The following MACROD2 variants were observed in gnomAD, a reference collection of about 807,000 sequenced individuals.
The protein encoded by MACROD2 is mono-ADP ribosylhydrolase 2, also known as ADP-ribose glycohydrolase MACROD2.
MACROD2 carries 36 observed loss-of-function variants against 70.4 expected under a neutral mutation model. The observed-to-expected ratio is 0.51, with a 90% CI of 0.39 to 0.68. MACROD2 has a LOEUF of 0.68. Among genes scored for constraint, MACROD2 ranks in the 30% least tolerant of loss-of-function variants. The probability of loss-of-function intolerance (pLI) is 0.00; values close to 1 mark genes in which losing one functional copy is unlikely to be tolerated. For missense variants in MACROD2, 496 were observed against 538.4 expected, an observed-to-expected ratio of 0.92 and a Z score of 0.78; for synonymous variants, 172 against 178.8, an observed-to-expected ratio of 0.96 and a Z score of 0.30.
chr20:15,293,149 A>C (rs989832144), intron 6 of MACROD2, among the ~76,000 whole-genome samples: 2 of 152,250 alleles, frequency 1.3e-5, no homozygotes, highest in African/African-American at 4.8e-5. Context: ...TAAGGGCTAC[A>C]TAGAATAAGT....
chr20:14,853,738 T>C (rs919402454), intron 5 of MACROD2, among the ~76,000 whole-genome samples: 3 of 152,188 alleles, frequency 2.0e-5, no homozygotes, highest in Admixed American at 6.5e-5. Flanking sequence ...CTGGAAGCAC[T>C]GTGGTGGTGG....
intron 9 of MACROD2, among the ~76,000 whole-genome samples, chr20:15,876,109 A>ATATATATATATATATATGTATGTATG (rs57817982): frequency 8.0e-6 from 1 of 124,466 alleles, no homozygotes; most frequent in African/African-American, 3.8e-5. Flanking sequence ...ATATATATAT[A>ATATATATATATATATATGTATGTATG]TATGTGTGTA....
intron 5 of MACROD2, among the ~76,000 whole-genome samples, chr20:15,218,765 G>T (rs759716773): frequency 2.0e-5 from 3 of 152,174 alleles, no homozygotes; most frequent in Non-Finnish European, 4.4e-5. Flanking sequence ...GAAAACAATT[G>T]CATTTAGTTA....
In MACROD2 at chr20:15,398,848, C is replaced by A. The variant is rs184157635; in HGVS notation, c.541-32557C>A. ...TTGTTTTGTTTTTAAGAGATAGGGT[C>A]TCACTCTTTCACCCAGGTTGTGCAG... On this transcript the variant is annotated intron_variant, in intron 6 of 17. Transcript: ENST00000684519. Among the ~76,000 whole-genome samples, 75 of 152,166 alleles carry A rather than the reference C, an allele frequency of 4.9e-4. 2 individuals are homozygous for A. The highest frequency in any genetic ancestry group is 2.6e-3 in the Admixed American group (39 of 15,280).
chr20:14,399,337 A>G (rs1445533978), intron 3 of MACROD2, among the ~76,000 whole-genome samples: 1 of 152,046 alleles, frequency 6.6e-6, no homozygotes, highest in Admixed American at 6.6e-5. Flanking sequence ...TTAAAAAGAC[A>G]TTTTACTAAA....
intron 7 of MACROD2, among the ~76,000 whole-genome samples, chr20:15,494,778 C>CGT (rs1568847803): frequency 2.2e-5 from 3 of 135,270 alleles, no homozygotes; most frequent in African/African-American, 8.4e-5. Flanking sequence ...TGTGTGTGTG[C>CGT]GCGCGTGTGT....
intron 8 of MACROD2, among the ~76,000 whole-genome samples, chr20:15,673,980 A>G (rs1376857825): frequency 6.6e-6 from 1 of 152,198 alleles, no homozygotes; most frequent in Non-Finnish European, 1.5e-5. Flanking sequence ...TGGCTACCGT[A>G]TTGAAATGTA....
chr20:15,206,006 T>A (rs1448829253), intron 5 of MACROD2, among the ~76,000 whole-genome samples: 1 of 152,182 alleles, frequency 6.6e-6, no homozygotes, highest in Admixed American at 6.5e-5. Flanking sequence ...CCAGCAGGTA[T>A]AAATTATTGT....
intron 8 of MACROD2, among the ~76,000 whole-genome samples, chr20:15,781,844 G>T (rs6131704): frequency 0.11 from 17,431 of 152,054 alleles, 1,137 homozygotes; most frequent in Admixed American, 0.14. Flanking sequence ...ATTAATGGGG[G>T]CAGGGAAGGC....
rs978836986 is a variant in MACROD2, at chr20:14,407,295, C to T, written c.272-86184C>T. 4.0e-5 allele frequency among the ~76,000 whole-genome samples: 6 copies of T among 151,876 alleles called. 1 individual carries two copies. The highest frequency in any genetic ancestry group is 8.8e-5 in the Non-Finnish European group (6 of 67,964). On this transcript the variant is annotated intron_variant, in intron 3 of 17. Transcript: ENST00000684519. ...ATTTGGCAGGTATAATCTTTCCTTT[C>T]CTCTCCCTCCCCCTGGCATCTCCTT...
At chr20:14,508,511 C>T (rs1328050563) in intron 4 of MACROD2, among the ~76,000 whole-genome samples, 1 of 151,882 alleles carries the variant, frequency 6.6e-6, no homozygotes, top group Non-Finnish European at 1.5e-5. Flanking sequence ...AACAATAAAC[C>T]CAAGGGAGGG....
chr20:14,543,897 T>C (rs1352967343), intron 4 of MACROD2, among the ~76,000 whole-genome samples: 2 of 152,160 alleles, frequency 1.3e-5, no homozygotes, highest in Non-Finnish European at 2.9e-5. Context: ...TGAAGTCTTA[T>C]CAAAAAGAAT....
intron 3 of MACROD2, among the ~76,000 whole-genome samples, chr20:14,427,895 C>T (rs2083951474): frequency 6.6e-6 from 1 of 152,026 alleles, no homozygotes; most frequent in South Asian, 2.1e-4. Context: ...ATAATGTTCT[C>T]TTTATAATGG....
chr20:15,812,698 G>A, intron 8 of MACROD2, among the ~76,000 whole-genome samples: 1 of 152,118 alleles, frequency 6.6e-6, no homozygotes, highest in Admixed American at 6.6e-5. Context: ...AATTGCATTT[G>A]TTTGAGTAGG....
chr20:15,228,487 CTTT>C (rs527508760), intron 5 of MACROD2, among the ~76,000 whole-genome samples: 4 of 118,004 alleles, frequency 3.4e-5, no homozygotes, highest in African/African-American at 9.8e-5. Context: ...TTCCTTCTTT[CTTT>C]TTTTTTTTTT....
intron 3 of MACROD2, among the ~76,000 whole-genome samples, chr20:14,470,530 C>G (rs563945146): frequency 2.4e-4 from 37 of 152,140 alleles, no homozygotes; most frequent in Middle Eastern, 3.2e-3. Flanking sequence ...CATAGCCGCC[C>G]CTACCCCCAG....
chr20:15,692,154 C>A (rs547585732), intron 8 of MACROD2, among the ~76,000 whole-genome samples: 1 of 152,202 alleles, frequency 6.6e-6, no homozygotes, highest in Middle Eastern at 3.4e-3. Context: ...ACACACTCAC[C>A]TCCTGAACTT....
intron 8 of MACROD2, among the ~76,000 whole-genome samples, chr20:15,801,353 G>T (rs1165796628): frequency 1.3e-5 from 2 of 151,948 alleles, no homozygotes; most frequent in African/African-American, 2.4e-5. Context: ...AGGCTCAGCA[G>T]GGCAGGTATG....
At chr20:15,643,977 G>C (rs2049501621) in intron 8 of MACROD2, among the ~76,000 whole-genome samples, 1 of 152,076 alleles carries the variant, frequency 6.6e-6, no homozygotes, top group Non-Finnish European at 1.5e-5. Context: ...AAAGGATAAT[G>C]CCTCTCTCCC....
Sources: gnomAD v4.1 joint callset for allele counts (sites outside exome capture counted in the v4.1 genomes callset) on GRCh38, gnomAD v4.1.1 for gene constraint, MANE v1.5 for transcripts, NCBI Gene and HGNC (gene_info 2026-07-23, HGNC 2026-07-21) for gene names.